Variants in KCNQ3 observed in about 807,000 individuals in gnomAD.
The protein encoded by KCNQ3 is potassium voltage-gated channel subfamily Q member 3.
Under a neutral mutation model 92.5 loss-of-function variants are expected in KCNQ3, and 30 were observed. The ratio of observed to expected loss-of-function variants is 0.32; its 90% CI spans 0.24 to 0.44. The LOEUF (loss-of-function observed/expected upper bound fraction) is 0.44. KCNQ3 is among the 20% of genes least tolerant of loss of function. The probability of loss-of-function intolerance (pLI) is 1.00; values close to 1 mark genes in which losing one functional copy is unlikely to be tolerated. For missense variants in KCNQ3, 913 were observed against 1,140.3 expected (o/e 0.80, Z 2.87); for synonymous variants, 450 against 468.8 (o/e 0.96, Z 0.52).
At chr8:132,445,717 G>T (rs1451256045) in intron 1 of KCNQ3, among the ~76,000 whole-genome samples, 1 of 118,876 alleles carries the variant, frequency 8.4e-6, no homozygotes, top group East Asian at 2.7e-4. Flanking sequence ...ATCATTTACT[G>T]AGCTCTTACT....
chr8:132,366,615 A>G lies in KCNQ3; in HGVS notation c.386+113532T>C, dbSNP rs192565345. ...TGCTGGCTTTTGAATTAAGGTAAAT[A>G]TATTTTACCAAGTAAAATTAAGTAT... On this transcript the variant is annotated intron_variant, in intron 1 of 14. Transcript: ENST00000388996. 5.3e-4 allele frequency among the ~76,000 whole-genome samples: 80 copies of G among 152,306 alleles called. 1 individual carries two copies. Among genetic ancestry groups the G allele is most frequent in the African/African-American group, 1.9e-3 (80 of 41,578 alleles).
rs1003256004 is a variant in KCNQ3, at chr8:132,210,620, A to T, written c.387-24439T>A. On this transcript the variant is annotated intron_variant, in intron 1 of 14. Coordinates refer to ENST00000388996, the MANE Select transcript of KCNQ3 (RefSeq NM_004519.4). ...TATTTAAGGCCACAAAGTGTTGGCC[A>T]GGACTGGGTTCTCATCAGAGGTTCG... Among the ~76,000 whole-genome samples the T allele has an allele frequency of 2.2e-4, 33 of 152,236 alleles. 1 individual carries two copies. Among genetic ancestry groups the T allele is most frequent in the African/African-American group, 7.5e-4 (31 of 41,464 alleles).
At chr8:132,130,976 C>A (rs1030137121) in intron 14 of KCNQ3, among the ~76,000 whole-genome samples, 7 of 152,218 alleles carry the variant, frequency 4.6e-5, no homozygotes, top group Middle Eastern at 3.4e-3. Context: ...TCAGCAGATG[C>A]CAGGATAGCA....
rs573520930 is a variant in KCNQ3, at chr8:132,187,113, G to A, written c.387-932C>T. On this transcript the variant is annotated intron_variant, in intron 1 of 14. Coordinates refer to ENST00000388996, the MANE Select transcript of KCNQ3 (RefSeq NM_004519.4). ...TGTCCAAAAGGGAATTTATAAGCTAGGGTTTATGGGTGAAGCTTGGTAGTA... is the reference window on the plus strand; with the variant it reads ...TGTCCAAAAGGGAATTTATAAGCTAAGGTTTATGGGTGAAGCTTGGTAGTA... 4.6e-4 allele frequency: 209 copies of A among 451,812 alleles called. 1 individual carries two copies. The highest frequency in any genetic ancestry group is 9.5e-4 in the South Asian group (61 of 64,170). 28.0% of individuals were successfully genotyped at this position (451,812 alleles called of 1,614,324 possible).
chr8:132,372,874 A>G (rs1400939102), intron 1 of KCNQ3, among the ~76,000 whole-genome samples: 3 of 151,736 alleles, frequency 2.0e-5, no homozygotes, highest in Non-Finnish European at 4.4e-5. Flanking sequence ...TGAATATTAG[A>G]GGCAGAAAGG....
intron 1 of KCNQ3, among the ~76,000 whole-genome samples, chr8:132,187,004 C>G (rs1481528182): frequency 2.4e-5 from 2 of 83,318 alleles, no homozygotes; most frequent in Non-Finnish European, 5.5e-5. Context: ...GAGACAGTCC[C>G]TGTTTCATTG....
intron 1 of KCNQ3, among the ~76,000 whole-genome samples, chr8:132,401,418 C>G (rs1001265869): frequency 6.6e-6 from 1 of 151,782 alleles, no homozygotes; most frequent in Non-Finnish European, 1.5e-5. Flanking sequence ...GCTCTGTCGC[C>G]AGGCTGGAGT....
rs1826717705 is a variant in KCNQ3 at position 132,180,347 on chromosome 8, C to CA, written c.605-19dup. 6 of 1,613,460 alleles carry CA rather than the reference C, an allele frequency of 3.7e-6. No homozygotes were observed. Among genetic ancestry groups the CA allele is most frequent in the Non-Finnish European group, 2.5e-6 (3 of 1,180,008 alleles). On this transcript the variant is annotated intron_variant, in intron 3 of 14. Transcript: ENST00000388996. ...AAAGATGTCTGGGAGAGAGGACAGA[C>CA]AGAGTGGGAGGGAAGAGGGAAAGGA...
chr8:132,310,790 A>G (rs776681014), intron 1 of KCNQ3, among the ~76,000 whole-genome samples: 28 of 152,220 alleles, frequency 1.8e-4, no homozygotes, highest in Admixed American at 5.2e-4. Flanking sequence ...GAATTTGCCA[A>G]ACTATATCCG....
chr8:132,219,733 C>A (rs1814157069), intron 1 of KCNQ3, among the ~76,000 whole-genome samples: 1 of 152,164 alleles, frequency 6.6e-6, no homozygotes, highest in South Asian at 2.1e-4. Flanking sequence ...GCCACTAATC[C>A]TCTTGTCCTG....
At chr8:132,388,697 T>G (rs1819966719) in intron 1 of KCNQ3, among the ~76,000 whole-genome samples, 1 of 152,226 alleles carries the variant, frequency 6.6e-6, no homozygotes. Context: ...ATCTACTAAA[T>G]GTCAGGCCTG....
intron 6 of KCNQ3, among the ~76,000 whole-genome samples, chr8:132,173,329 C>T (rs1465911379): frequency 1.3e-5 from 2 of 152,106 alleles, no homozygotes; most frequent in South Asian, 2.1e-4. Flanking sequence ...AGGTCATTTG[C>T]TCAAGGTCAA....
chr8:132,194,220 T>C (rs1420687847), intron 1 of KCNQ3, among the ~76,000 whole-genome samples: 1 of 152,214 alleles, frequency 6.6e-6, no homozygotes, highest in African/African-American at 2.4e-5. Context: ...AAGACAGGCA[T>C]TGTTACGTCA....
Position 132,409,145 on chromosome 8 carries a change from T to C in KCNQ3, c.386+71002A>G, listed in dbSNP as rs1820580720. Among the ~76,000 whole-genome samples the C allele has an allele frequency of 2.0e-5, 3 of 152,224 alleles. 1 individual carries two copies. The highest frequency in any genetic ancestry group is 2.0e-4 in the Admixed American group (3 of 15,274). On this transcript the variant is annotated intron_variant, in intron 1 of 14. Transcript: ENST00000388996. ...GTGACAAATACAAGCTAGTAATTAC[T>C]ATGCTATATTGTTTTCAAGACTACA...
At chr8:132,242,362 G>C (rs1815025057) in intron 1 of KCNQ3, among the ~76,000 whole-genome samples, 1 of 152,198 alleles carries the variant, frequency 6.6e-6, no homozygotes, top group Non-Finnish European at 1.5e-5. Context: ...CTTGTGATGT[G>C]CTGGCAACCT....
intron 1 of KCNQ3, among the ~76,000 whole-genome samples, chr8:132,431,378 C>T (rs1223012788): frequency 6.6e-6 from 1 of 152,216 alleles, no homozygotes; most frequent in Admixed American, 6.5e-5. Flanking sequence ...CTTGCTGCAA[C>T]GTTCCAGTAA....
At chr8:132,305,813 TTCCCTTA>T (rs1817402079) in intron 1 of KCNQ3, among the ~76,000 whole-genome samples, 1 of 152,172 alleles carries the variant, frequency 6.6e-6, no homozygotes, top group Non-Finnish European at 1.5e-5. Context: ...TCCTCATTTG[TTCCCTTA>T]TCCTTGCCCA....
chr8:132,185,258 TAAA>T, intron 2 of KCNQ3, among the ~76,000 whole-genome samples: 1 of 152,326 alleles, frequency 6.6e-6, no homozygotes, highest in East Asian at 1.9e-4. Flanking sequence ...TCCACTATTT[TAAA>T]AGCCCTAACT....
intron 1 of KCNQ3, among the ~76,000 whole-genome samples, chr8:132,420,724 G>C (rs1171353945): frequency 7.2e-5 from 11 of 152,192 alleles, no homozygotes; most frequent in Admixed American, 7.2e-4. Flanking sequence ...CTTGAGGTGT[G>C]TTGATAAATG....
Sources: allele counts gnomAD v4.1 joint callset (sites outside exome capture counted in the v4.1 genomes callset), GRCh38; gene constraint gnomAD v4.1.1; transcripts MANE v1.5; gene names NCBI Gene and HGNC (gene_info 2026-07-23, HGNC 2026-07-21).